Variants in KCTD8 observed in about 807,000 individuals in gnomAD.
The protein encoded by KCTD8 is BTB/POZ domain-containing protein KCTD8.
A neutral mutation model predicts 31.5 loss-of-function variants in KCTD8; 27 were observed. That is an observed-to-expected ratio of 0.86 (90% confidence interval 0.63 to 1.18). The LOEUF is 1.18. Among genes scored for constraint, KCTD8 ranks in the 50% most tolerant of loss-of-function variants. The pLI is 0.00. For synonymous variants in KCTD8, 290 were observed against 280.0 expected (o/e 1.04, Z -0.36); for missense variants, 658 against 647.7 (o/e 1.02, Z -0.17).
Position 44,447,628 on chromosome 4 carries a change from G to A in KCTD8, c.896C>T (p.Ala299Val), listed in dbSNP as rs747346931. The A allele has an allele frequency of 1.9e-6, 3 of 1,607,284 alleles. No individual in the cohort carries two copies. Among genetic ancestry groups the A allele is most frequent in the Admixed American group, 1.7e-5 (1 of 58,900 alleles). The change falls in exon 1 of 2, where the codon GCC becomes GTC. Residue 299 changes from alanine to valine, a missense_variant. Coordinates refer to ENST00000360029, the MANE Select transcript of KCTD8 (RefSeq NM_198353.3). The part of the protein sequence containing the change: ...HMVACNSSGT[A>V]AFVNQYRDDK... Reference sequence around the variant, plus strand: ...GTCGCGGTACTGGTTGACGAAGGCGGCGGTGCCCGAGGAGTTACACGCCAC... The same window carrying A: ...GTCGCGGTACTGGTTGACGAAGGCGACGGTGCCCGAGGAGTTACACGCCAC...
At chr4:44,314,525 C>A (rs1273262303) in intron 1 of KCTD8, among the ~76,000 whole-genome samples, 1 of 152,038 alleles carries the variant, frequency 6.6e-6, no homozygotes, top group African/African-American at 2.4e-5. Context: ...ATGATCCAAG[C>A]AATAAAATGT....
At chr4:44,338,202 T>C (rs1577623772) in intron 1 of KCTD8, among the ~76,000 whole-genome samples, 1 of 152,138 alleles carries the variant, frequency 6.6e-6, no homozygotes, top group East Asian at 1.9e-4. Context: ...TTTATGCTTA[T>C]CTCAATTTTC....
rs189908150 is a variant in KCTD8, at chr4:44,345,377, C to A, written c.961+102186G>T. 2.5e-3 allele frequency among the ~76,000 whole-genome samples: 374 copies of A among 152,012 alleles called. 1 individual carries two copies. Among genetic ancestry groups the A allele is most frequent in the Middle Eastern group, 0.01 (3 of 294 alleles). On this transcript the variant is annotated intron_variant, in intron 1 of 1. Coordinates refer to ENST00000360029, the MANE Select transcript of KCTD8 (RefSeq NM_198353.3). ...TTGGCAGGTTGGAATAAACTGCCCC[C>A]AAAAATGGTTTCAAAAGTACTCTCT...
At chr4:44,418,309 G>T (rs1721125417) in intron 1 of KCTD8, among the ~76,000 whole-genome samples, 1 of 152,152 alleles carries the variant, frequency 6.6e-6, no homozygotes, top group African/African-American at 2.4e-5. Context: ...TAGAGCAAAG[G>T]ATTTGTAATG....
At chr4:44,336,958 T>C (rs1718766083) in intron 1 of KCTD8, among the ~76,000 whole-genome samples, 1 of 151,902 alleles carries the variant, frequency 6.6e-6, no homozygotes, top group East Asian at 1.9e-4. Context: ...GAATAAATTA[T>C]GGAAAAAAAT....
chr4:44,341,214 A>G (rs1718888027), intron 1 of KCTD8, among the ~76,000 whole-genome samples: 1 of 152,212 alleles, frequency 6.6e-6, no homozygotes, highest in Non-Finnish European at 1.5e-5. Flanking sequence ...TTACTGCTAA[A>G]AAATGCTAAC....
At chr4:44,321,550 T>A (rs941576854) in intron 1 of KCTD8, among the ~76,000 whole-genome samples, 1 of 152,166 alleles carries the variant, frequency 6.6e-6, no homozygotes, top group African/African-American at 2.4e-5. Flanking sequence ...TGTATAATAA[T>A]CCAATCAGGA....
intron 1 of KCTD8, among the ~76,000 whole-genome samples, chr4:44,375,940 C>G (rs970152918): frequency 8.6e-5 from 13 of 151,996 alleles, no homozygotes; most frequent in Admixed American, 1.3e-4. Flanking sequence ...TATTTTGTGT[C>G]TCTCTCTCTA....
At chr4:44,194,515 CATTAA>C (rs1326210425) in intron 1 of KCTD8, among the ~76,000 whole-genome samples, 1 of 152,010 alleles carries the variant, frequency 6.6e-6, no homozygotes, top group African/African-American at 2.4e-5. Context: ...AATGGTTATT[CATTAA>C]AATCTTGGAG....
At chr4:44,188,180 T>C (rs1381922269) in intron 1 of KCTD8, among the ~76,000 whole-genome samples, 1 of 152,218 alleles carries the variant, frequency 6.6e-6, no homozygotes, top group East Asian at 1.9e-4. Flanking sequence ...ATGCAACTTC[T>C]TGTAGCTGCC....
chr4:44,384,506 T>A (rs551062013), intron 1 of KCTD8, among the ~76,000 whole-genome samples: 17 of 151,998 alleles, frequency 1.1e-4, no homozygotes, highest in Admixed American at 1.1e-3. Flanking sequence ...TGGAAAACAT[T>A]ATGTTAAGTG....
At chr4:44,387,798 T>C (rs943583676) in intron 1 of KCTD8, among the ~76,000 whole-genome samples, 12 of 152,108 alleles carry the variant, frequency 7.9e-5, no homozygotes, top group Non-Finnish European at 1.0e-4. Flanking sequence ...ATTCAGGACA[T>C]AGGCACAGGC....
chr4:44,291,581 A>G (rs1336859041), intron 1 of KCTD8, among the ~76,000 whole-genome samples: 1 of 152,136 alleles, frequency 6.6e-6, no homozygotes, highest in Non-Finnish European at 1.5e-5. Context: ...TTTACGGCTA[A>G]GTCCCCAAAA....
At chr4:44,333,693 GGAGCT>G (rs1408731428) in intron 1 of KCTD8, among the ~76,000 whole-genome samples, 2 of 152,038 alleles carry the variant, frequency 1.3e-5, no homozygotes, top group African/African-American at 2.4e-5. Context: ...AGATGACCTA[GGAGCT>G]GAGCTAAGAA....
chr4:44,264,419 A>G (rs1296940001), intron 1 of KCTD8, among the ~76,000 whole-genome samples: 2 of 152,180 alleles, frequency 1.3e-5, no homozygotes, highest in Non-Finnish European at 2.9e-5. Context: ...TAGGCTCATC[A>G]GAGTGTCAGC....
chr4:44,268,340 A>G (rs1284335719), intron 1 of KCTD8, among the ~76,000 whole-genome samples: 3 of 152,074 alleles, frequency 2.0e-5, no homozygotes, highest in Non-Finnish European at 4.4e-5. Flanking sequence ...ACAAAATTCA[A>G]CAACCCTTCA....
At chr4:44,385,450 G>T (rs146031478) in intron 1 of KCTD8, among the ~76,000 whole-genome samples, 1,953 of 151,768 alleles carry the variant, frequency 0.013, 22 homozygotes, top group Non-Finnish European at 0.021. Context: ...ATTCAATGGG[G>T]AATGCAAAGT....
chr4:44,388,796 C>T (rs1020954755), intron 1 of KCTD8, among the ~76,000 whole-genome samples: 1 of 151,644 alleles, frequency 6.6e-6, no homozygotes, highest in Non-Finnish European at 1.5e-5. Flanking sequence ...CACAACAAAC[C>T]CCTATGACAA....
chr4:44,293,370 A>G (rs997274545), intron 1 of KCTD8: 1 of 422,368 alleles, frequency 2.4e-6, no homozygotes, highest in Admixed American at 3.1e-5. Flanking sequence ...AGATTAATTT[A>G]TCTGCCATAC....
Sources: allele counts gnomAD v4.1 joint callset (sites outside exome capture counted in the v4.1 genomes callset), GRCh38; gene constraint gnomAD v4.1.1; transcripts MANE v1.5; gene names NCBI Gene and HGNC (gene_info 2026-07-23, HGNC 2026-07-21).